Variants in WWOX observed in about 807,000 individuals in gnomAD.
WWOX encodes the protein WW domain-containing oxidoreductase.
In WWOX, 69 loss-of-function variants were observed where a neutral mutation model predicts 46.2. The ratio of observed to expected loss-of-function variants is 1.49; its 90% CI spans 1.23 to 1.82. The LOEUF (loss-of-function observed/expected upper bound fraction) is 1.82. Ranked by LOEUF, WWOX falls within the 40% of genes most tolerant of loss-of-function variation. WWOX has a pLI of 0.00. For synonymous variants in WWOX, 359 were observed against 202.6 expected, an observed-to-expected ratio of 1.77 and a Z score of -6.56; for missense variants, 919 against 542.6, an observed-to-expected ratio of 1.69 and a Z score of -6.89.
At chr16:78,765,033 C>G (rs2049895058) in intron 8 of WWOX, among the ~76,000 whole-genome samples, 1 of 152,174 alleles carries the variant, frequency 6.6e-6, no homozygotes, top group East Asian at 1.9e-4. Context: ...ACCCAGATCC[C>G]TGCCCAACAG....
chr16:78,784,674 A>G (rs1195947141), intron 8 of WWOX, among the ~76,000 whole-genome samples: 2 of 152,196 alleles, frequency 1.3e-5, no homozygotes, highest in Admixed American at 6.5e-5. Flanking sequence ...AGTCAGTGTC[A>G]GTGGTTCCCA....
At chr16:78,981,770 T>A (rs1051013884) in intron 8 of WWOX, 6 of 152,182 alleles carry the variant, frequency 3.9e-5, no homozygotes, top group African/African-American at 1.4e-4. Context: ...GCACGGTAGA[T>A]ACAACCAGCT....
chr16:78,743,822 C>T (rs938496165), intron 8 of WWOX, among the ~76,000 whole-genome samples: 1 of 152,136 alleles, frequency 6.6e-6, no homozygotes, highest in Non-Finnish European at 1.5e-5. Flanking sequence ...TGGGCCATTA[C>T]TTCATTTCCA....
intron 8 of WWOX, among the ~76,000 whole-genome samples, chr16:78,865,306 T>C (rs1439668543): frequency 2.0e-5 from 3 of 152,096 alleles, no homozygotes; most frequent in Non-Finnish European, 4.4e-5. Flanking sequence ...ATCTCATAAA[T>C]AATGTAAGAC....
chr16:78,556,968 C>T (rs947874524), intron 8 of WWOX, among the ~76,000 whole-genome samples: 2 of 152,078 alleles, frequency 1.3e-5, no homozygotes, highest in African/African-American at 4.8e-5. Context: ...ATTCACCCAC[C>T]TCAGCCTCCC....
chr16:78,535,633 T>G (rs2043740483), intron 8 of WWOX: 2 of 152,238 alleles, frequency 1.3e-5, no homozygotes, highest in African/African-American at 2.4e-5. Flanking sequence ...ACCTTCTGAC[T>G]GTTAGTGAAT....
intron 8 of WWOX, among the ~76,000 whole-genome samples, chr16:78,915,119 C>G (rs958871154): frequency 2.0e-5 from 3 of 152,126 alleles, no homozygotes; most frequent in Non-Finnish European, 2.9e-5. Flanking sequence ...CAAGTGGCAG[C>G]TTGGACTCCT....
At chr16:78,376,590 G>A (rs2151925967) in intron 5 of WWOX, among the ~76,000 whole-genome samples, 1 of 152,276 alleles carries the variant, frequency 6.6e-6, no homozygotes, top group East Asian at 1.9e-4. Flanking sequence ...CCACACGCAG[G>A]CATCCTCGGG....
chr16:79,168,488 A>C (rs1479139184), intron 8 of WWOX, among the ~76,000 whole-genome samples: 1 of 152,168 alleles, frequency 6.6e-6, no homozygotes, highest in Non-Finnish European at 1.5e-5. Context: ...GTGCAACTGA[A>C]ATATCTGGCA....
chr16:78,547,394 C>T (rs922108060), intron 8 of WWOX, among the ~76,000 whole-genome samples: 2 of 152,112 alleles, frequency 1.3e-5, no homozygotes, highest in African/African-American at 2.4e-5. Flanking sequence ...AGCTCACAAA[C>T]GACACAGCAT....
Position 78,601,261 on chromosome 16 carries a change from C to G in WWOX, c.1056+168509C>G, listed in dbSNP as rs147678699. Among the ~76,000 whole-genome samples the G allele has an allele frequency of 4.0e-4, 61 of 152,294 alleles. 1 individual carries two copies. The East Asian group carries it at 0.012, about 29-fold the overall frequency. On this transcript the variant is annotated intron_variant, in intron 8 of 8. Coordinates refer to ENST00000566780, the MANE Select transcript of WWOX (RefSeq NM_016373.4). Reference sequence around the variant, plus strand: ...TCACCCAGAAGGAAGCCGGGTCCCTCTTTGCCCCTTTGGGTGTTTGTGAAA... The same window carrying G: ...TCACCCAGAAGGAAGCCGGGTCCCTGTTTGCCCCTTTGGGTGTTTGTGAAA...
Position 78,432,570 on chromosome 16 carries a change from G to A in WWOX, c.874G>A (p.Ala292Thr), listed in dbSNP as rs376560613. The change falls in exon 8 of 9, where the codon GCT (alanine) becomes ACT (threonine). Residue 292 changes from alanine (A) to threonine (T), a missense_variant. Transcript: ENST00000566780. ...AAAAAACGACTATTGGGCGATGCTG[G>A]CTTATAACAGGTCCAAGCTCTGCAA... The part of the protein sequence containing the change: ...PTKNDYWAML[A>T]YNRSKLCNIL... 1.4e-5 allele frequency: 23 copies of A among 1,614,032 alleles called. No homozygotes were observed. The highest frequency in any genetic ancestry group is 1.9e-5 in the Non-Finnish European group (22 of 1,180,018).
chr16:78,533,372 TTG>T lies in WWOX; in HGVS notation c.1056+100622_1056+100623del, dbSNP rs553858233. Reference sequence around the variant, plus strand: ...CTGGGCCACATTGGAAGAAAAAGAATTGTCTTTGGCTGCACATAATATACAAT... The same window carrying T: ...CTGGGCCACATTGGAAGAAAAAGAATTCTTTGGCTGCACATAATATACAAT... On this transcript the variant is annotated intron_variant, in intron 8 of 8. Coordinates refer to ENST00000566780, the MANE Select transcript of WWOX (RefSeq NM_016373.4). Among the ~76,000 whole-genome samples the T allele has an allele frequency of 5.9e-5, 9 of 151,660 alleles. No individual in the cohort carries two copies. In the South Asian group the frequency reaches 1.7e-3, roughly 28 times the overall value.
intron 8 of WWOX, among the ~76,000 whole-genome samples, chr16:78,790,153 T>C (rs1365751919): frequency 6.6e-6 from 1 of 152,192 alleles, no homozygotes; most frequent in Non-Finnish European, 1.5e-5. Context: ...TTTTATTTTT[T>C]TGGGACAGGG....
intron 8 of WWOX, among the ~76,000 whole-genome samples, chr16:79,159,634 C>T (rs996830331): frequency 1.3e-5 from 2 of 152,182 alleles, no homozygotes; most frequent in Non-Finnish European, 2.9e-5. Flanking sequence ...TTGTCTCTCC[C>T]CGTGTCCCCT....
intron 8 of WWOX, among the ~76,000 whole-genome samples, chr16:79,195,221 T>A (rs1386175831): frequency 6.6e-6 from 1 of 152,040 alleles, no homozygotes; most frequent in Non-Finnish European, 1.5e-5. Context: ...GAGATTGGCA[T>A]GTAGGAAGAT....
chr16:78,987,494 C>G (rs1203659465), intron 8 of WWOX, among the ~76,000 whole-genome samples: 2 of 152,074 alleles, frequency 1.3e-5, no homozygotes, highest in East Asian at 1.9e-4. Flanking sequence ...GATTGTGAAA[C>G]TGGAAGGAGG....
At chr16:78,593,592 C>T (rs569311750) in intron 8 of WWOX, among the ~76,000 whole-genome samples, 2 of 152,312 alleles carry the variant, frequency 1.3e-5, no homozygotes, top group African/African-American at 2.4e-5. Context: ...AGTCCAAGTC[C>T]TTCCGGGGAC....
intron 5 of WWOX, among the ~76,000 whole-genome samples, chr16:78,278,031 G>T (rs1287566852): frequency 6.6e-6 from 1 of 152,214 alleles, no homozygotes; most frequent in African/African-American, 2.4e-5. Context: ...AACGGTGTGA[G>T]TGGGGGACAA....
Sources: allele counts gnomAD v4.1 joint callset (sites outside exome capture counted in the v4.1 genomes callset), GRCh38; gene constraint gnomAD v4.1.1; transcripts MANE v1.5; gene names NCBI Gene and HGNC (gene_info 2026-07-23, HGNC 2026-07-21).